Variants in BTNL8 observed in about 807,000 individuals in gnomAD.
BTNL8 encodes the protein butyrophilin like 8.
A neutral mutation model predicts 36.1 loss-of-function variants in BTNL8; 22 were observed. That is an observed-to-expected ratio of 0.61 (90% CI 0.44 to 0.87). The LOEUF is 0.87. BTNL8 is among the 40% of genes least tolerant of loss of function. The pLI is 0.00. For synonymous variants in BTNL8, 203 were observed against 235.6 expected (o/e 0.86, Z 1.27); for missense variants, 526 against 616.9 (o/e 0.85, Z 1.56).
intron 4 of BTNL8, 39 bp downstream of exon 4, chr5:180,947,664 A>C (rs779191429): frequency 7.4e-6 from 12 of 1,614,214 alleles, no homozygotes; most frequent in Admixed American, 1.7e-5. Context: ...TGCCTTATTC[A>C]TGGTTCCAGC....
Position 180,929,994 on chromosome 5 carries a change from C to G in BTNL8, c.674-17518C>G, listed in dbSNP as rs571821202. Reference sequence around the variant, plus strand: ...GCCACCATCATCCTGATACCAAAACCTGGCAGAAACACAACAAAAAAGGAA... The same window carrying G: ...GCCACCATCATCCTGATACCAAAACGTGGCAGAAACACAACAAAAAAGGAA... On this transcript the variant is annotated intron_variant, in intron 3 of 7. Coordinates refer to ENST00000340184, the MANE Select transcript of BTNL8 (RefSeq NM_001040462.3). Among the ~76,000 whole-genome samples, 3 of 152,296 alleles carry G rather than the reference C, an allele frequency of 2.0e-5. No homozygotes were observed. In the South Asian group the frequency reaches 6.2e-4, roughly 32 times the overall value.
intron 1 of BTNL8, among the ~76,000 whole-genome samples, 186 bp downstream of exon 1, chr5:180,899,545 G>A (rs534740831): frequency 6.6e-6 from 1 of 152,304 alleles, no homozygotes; most frequent in East Asian, 1.9e-4. Context: ...ATGGAAACAC[G>A]GGTGTTGAAG....
chr5:180,902,468 C>A, intron 1 of BTNL8: 2 of 1,463,468 alleles, frequency 1.4e-6, no homozygotes, highest in Non-Finnish European at 1.9e-6. Flanking sequence ...CCCTGATGCA[C>A]ATCTCCAGCC....
At chr5:180,911,676 A>T in intron 3 of BTNL8, 62 bp downstream of exon 3, 1 of 1,450,432 alleles carries the variant, frequency 6.9e-7, no homozygotes, top group African/African-American at 1.4e-5. Context: ...CAGAGGGAGG[A>T]CAGGAGCCTC....
intron 3 of BTNL8, among the ~76,000 whole-genome samples, chr5:180,917,620 C>G (rs1224455068): frequency 6.7e-6 from 1 of 149,856 alleles, no homozygotes; most frequent in East Asian, 2.0e-4. Flanking sequence ...AAAAAAAATA[C>G]CAGACCAGTA....
chr5:180,946,399 C>T (rs1294671185), intron 3 of BTNL8, among the ~76,000 whole-genome samples: 1 of 152,098 alleles, frequency 6.6e-6, no homozygotes, highest in Admixed American at 6.6e-5. Flanking sequence ...AAAATGTGAT[C>T]TATAAATACA....
Position 180,900,295 on chromosome 5 carries a change from G to A in BTNL8, c.49+936G>A, listed in dbSNP as rs147094349. ...TTAAAAACTCTTATTTCATTTTCTT[G>A]TGAGCTTTATTGTTCACAGCTTCCT... On this transcript the variant is annotated intron_variant, in intron 1 of 7. Coordinates refer to ENST00000340184, the MANE Select transcript of BTNL8 (RefSeq NM_001040462.3). Among the ~76,000 whole-genome samples, 481 of 152,210 alleles carry A rather than the reference G, an allele frequency of 3.2e-3. 2 individuals carry two copies. Among genetic ancestry groups the A allele is most frequent in the Middle Eastern group, 0.02 (6 of 294 alleles).
Position 180,950,680 on chromosome 5 carries a change from C to T in BTNL8, c.*136C>T. 1 of 895,664 alleles carries T rather than the reference C, an allele frequency of 1.1e-6. No individual in the cohort carries two copies. Among genetic ancestry groups the T allele is most frequent in the Non-Finnish European group, 1.6e-6 (1 of 608,460 alleles). The allele number at this position is 895,664 out of a possible 1,614,324, so 55.5% of individuals were successfully genotyped here. A position where few individuals can be genotyped will look rare whatever the true frequency, so the allele number is the denominator to read the frequency against. ...TCCACATGGGAGTCAGGTGTCATGG[C>T]TGCCCTGAGCTGGGAGGGAAGAAGG... On this transcript the variant is annotated 3_prime_UTR_variant, in exon 8 of 8. Coordinates refer to ENST00000340184, the MANE Select transcript of BTNL8 (RefSeq NM_001040462.3).
intron 3 of BTNL8, among the ~76,000 whole-genome samples, chr5:180,945,153 G>T (rs1384173604): frequency 6.6e-6 from 1 of 152,196 alleles, no homozygotes; most frequent in Non-Finnish European, 1.5e-5. Flanking sequence ...AAGTTTGGAA[G>T]TACGCCCATG....
rs1185742644 is a variant in BTNL8, at chr5:180,950,889, A to G, written c.*345A>G. 7.3e-6 allele frequency: 2 copies of G among 275,426 alleles called. 1 individual carries two copies. The highest frequency in any genetic ancestry group is 1.4e-5 in the Non-Finnish European group (2 of 138,156). The allele number at this position is 275,426 out of a possible 1,614,324, so 17.1% of individuals were successfully genotyped here. ...AGTGTATCCTAATGGTTTGTTCATT[A>G]TATTACACTTTCAGTAAGGTCTTTG... On this transcript the variant is annotated 3_prime_UTR_variant, in exon 8 of 8. Transcript: ENST00000340184.
At chr5:180,930,615 C>T (rs944307604) in intron 3 of BTNL8, among the ~76,000 whole-genome samples, 1 of 152,088 alleles carries the variant, frequency 6.6e-6, no homozygotes, top group African/African-American at 2.4e-5. Context: ...AGCAAAGTCT[C>T]GGGATACAAA....
At chr5:180,916,539 A>T (rs1757637411) in intron 3 of BTNL8, among the ~76,000 whole-genome samples, 1 of 152,184 alleles carries the variant, frequency 6.6e-6, no homozygotes, top group Non-Finnish European at 1.5e-5. Flanking sequence ...AATGTTGTTT[A>T]TTTGAAAAGA....
In BTNL8 at chr5:180,908,803, G is replaced by C. The variant is rs1757243405; in HGVS notation, c.267G>C (p.Lys89Asn). ...ATCAAGGCAGGACAAAACTGGTGAA[G>C]GATTCTATTGCGGAGGGGCGCATCT... ...PQYQGRTKLV[K>N]DSIAEGRISL... Residue 89 changes from lysine (K) to asparagine (N), a missense_variant, in exon 2 of 8, where the codon AAG (lysine) becomes AAC (asparagine). By Grantham distance (94) the Lys-to-Asn change is moderately conservative (BLOSUM62 0). This residue lies in a region of BTNL8 where 350 missense variants were observed against 324.6 expected (regional missense o/e 1.08). Transcript: ENST00000340184. The C allele has an allele frequency of 1.2e-6, 2 of 1,614,054 alleles. No homozygotes were observed. The highest frequency in any genetic ancestry group is 2.7e-5 in the African/African-American group (2 of 74,910).
At chr5:180,908,223 T>C (rs1393116344) in intron 1 of BTNL8, among the ~76,000 whole-genome samples, 1 of 152,212 alleles carries the variant, frequency 6.6e-6, no homozygotes, top group Non-Finnish European at 1.5e-5. Flanking sequence ...GTGCGCCGTT[T>C]CTTAAGCCCA....
intron 3 of BTNL8, among the ~76,000 whole-genome samples, chr5:180,917,016 G>C (rs1757660883): frequency 6.6e-6 from 1 of 150,792 alleles, no homozygotes; most frequent in Non-Finnish European, 1.5e-5. Context: ...CCAAAGACAA[G>C]GTTAGACTAC....
At chr5:180,931,357 T>C (rs1758367773) in intron 3 of BTNL8, among the ~76,000 whole-genome samples, 1 of 152,084 alleles carries the variant, frequency 6.6e-6, no homozygotes, top group Admixed American at 6.5e-5. Flanking sequence ...GTAAAAACCC[T>C]AGAAGAAAAC....
chr5:180,901,202 T>A (rs1750969969), intron 1 of BTNL8, among the ~76,000 whole-genome samples: 1 of 152,234 alleles, frequency 6.6e-6, no homozygotes, highest in Admixed American at 6.5e-5. Context: ...TAAAATGTAA[T>A]TAAACTAAAA....
In BTNL8 at chr5:180,950,200, T is replaced by C. The variant is rs1479119938; in HGVS notation, c.1159T>C (p.Leu387=). Residue 387 remains leucine, a synonymous_variant, in exon 8 of 8, where the codon TTG becomes CTG. Transcript: ENST00000340184. ...GGTCCTCAGACTGAATGGAGAACAT[T>C]TGTATTTCACATTAAATCCCCGTTT... is the stretch of plus-strand genomic sequence containing the variant. ...YWVLRLNGEH[L]YFTLNPRFIS... is the part of the protein sequence containing the mutation. 31 of 1,463,192 alleles carry C rather than the reference T, an allele frequency of 2.1e-5. 8 individuals are homozygous for C. The highest frequency in any genetic ancestry group is 2.7e-5 in the Non-Finnish European group (29 of 1,058,916). The allele number at this position is 1,463,192 out of a possible 1,614,324, so 90.6% of individuals were successfully genotyped here.
At chr5:180,938,817 T>C (rs62406740) in intron 3 of BTNL8, among the ~76,000 whole-genome samples, 36,970 of 151,960 alleles carry the variant, frequency 0.24, 5,082 homozygotes, top group Admixed American at 0.3. Context: ...ATGTTCAAAG[T>C]GCTGGAAGGG....
Sources: gnomAD v4.1 joint callset for allele counts (sites outside exome capture counted in the v4.1 genomes callset) on GRCh38, gnomAD v4.1.1 for gene constraint, gnomAD v4.1.1 regional missense constraint, MANE v1.5 for transcripts, NCBI Gene and HGNC (gene_info 2026-07-23, HGNC 2026-07-21) for gene names.